Variants in FAM117B observed in about 807,000 individuals in gnomAD.
FAM117B encodes the protein family with sequence similarity 117 member B.
FAM117B carries 22 observed loss-of-function variants against 52.8 expected under a neutral mutation model. The observed-to-expected ratio is 0.42, with a 90% CI of 0.30 to 0.59. The LOEUF is 0.59. Among genes scored for constraint, FAM117B ranks in the 20% least tolerant of loss-of-function variants. FAM117B has a pLI of 0.22. For missense variants in FAM117B, 678 were observed against 802.6 expected (o/e 0.84, Z 1.88); for synonymous variants, 309 against 324.1 (o/e 0.95, Z 0.50).
At chr2:202,746,525 C>G (rs760408565) in intron 4 of FAM117B, among the ~76,000 whole-genome samples, 1 of 151,738 alleles carries the variant, frequency 6.6e-6, no homozygotes, top group Non-Finnish European at 1.5e-5. Context: ...AATAAACAAT[C>G]TGAAGAGTGT....
At chr2:202,734,469 A>G (rs971819132) in intron 4 of FAM117B, among the ~76,000 whole-genome samples, 1 of 152,226 alleles carries the variant, frequency 6.6e-6, no homozygotes, top group Non-Finnish European at 1.5e-5. Flanking sequence ...CCAACATGAA[A>G]AACACAAATA....
At chr2:202,743,283 C>G (rs1051602224) in intron 4 of FAM117B, among the ~76,000 whole-genome samples, 9 of 152,186 alleles carry the variant, frequency 5.9e-5, no homozygotes, top group African/African-American at 2.2e-4. Context: ...AGAGACACCA[C>G]TGTTGCTGAT....
chr2:202,646,892 CTAA>C, intron 1 of FAM117B, among the ~76,000 whole-genome samples: 1 of 151,932 alleles, frequency 6.6e-6, no homozygotes, highest in South Asian at 2.1e-4. Context: ...ATACAAGATG[CTAA>C]TGAGATATTA....
intron 2 of FAM117B, among the ~76,000 whole-genome samples, chr2:202,714,006 C>T (rs1379438081): frequency 1.3e-5 from 2 of 152,122 alleles, no homozygotes; most frequent in African/African-American, 2.4e-5. Flanking sequence ...TGCGCCTGGC[C>T]CTCCATTATC....
chr2:202,759,378 A>G lies in FAM117B; in HGVS notation c.1451+25A>G, dbSNP rs774198074. On this transcript the variant is annotated intron_variant, in intron 7 of 7. Coordinates refer to ENST00000392238, the MANE Select transcript of FAM117B (RefSeq NM_173511.4). ...CGTAAGTATCCCTTCCACCATCCCC[A>G]CAAAAAAACTATTATGAGCTTTTTT... 4 of 1,593,972 alleles carry G rather than the reference A, an allele frequency of 2.5e-6. No homozygotes were observed. The South Asian group carries it at 3.5e-5, about 14-fold the overall frequency.
chr2:202,653,715 G>C (rs183765282), intron 1 of FAM117B, among the ~76,000 whole-genome samples: 1 of 152,222 alleles, frequency 6.6e-6, no homozygotes, highest in East Asian at 1.9e-4. Context: ...GTGTTCATTT[G>C]TTAACCCGTT....
At chr2:202,718,503 G>A (rs1691095566) in intron 2 of FAM117B, among the ~76,000 whole-genome samples, 1 of 152,122 alleles carries the variant, frequency 6.6e-6, no homozygotes, top group African/African-American at 2.4e-5. Flanking sequence ...TATTATATCA[G>A]TTGATTTTTT....
rs1305067205 is a variant in FAM117B at position 202,768,245 on chromosome 2, G to T, written c.*2481G>T. ...GAGGTTTTCCCTTTTGCTCTGTTGT[G>T]CCTATTTGTCTAATTCATATCTTTC... On this transcript the variant is annotated 3_prime_UTR_variant, in exon 8 of 8. Coordinates refer to ENST00000392238, the MANE Select transcript of FAM117B (RefSeq NM_173511.4). The T allele has an allele frequency of 6.6e-6, 1 of 152,054 alleles. No homozygotes were observed. The highest frequency in any genetic ancestry group is 2.4e-5 in the African/African-American group (1 of 41,394). 9.4% of individuals were successfully genotyped at this position (152,054 alleles called of 1,614,324 possible). A position where few individuals can be genotyped will look rare whatever the true frequency, so the allele number is the denominator to read the frequency against.
intron 1 of FAM117B, among the ~76,000 whole-genome samples, chr2:202,636,964 A>G (rs923238546): frequency 7.9e-5 from 12 of 152,208 alleles, no homozygotes; most frequent in African/African-American, 2.9e-4. Context: ...CAGTTACACG[A>G]TCTCGGCTTA....
At chr2:202,713,393 A>G (rs776564379) in intron 2 of FAM117B, among the ~76,000 whole-genome samples, 7 of 151,984 alleles carry the variant, frequency 4.6e-5, no homozygotes, top group Non-Finnish European at 8.8e-5. Context: ...TCCCTCTCTG[A>G]TTTTATTTAT....
At chr2:202,714,132 A>G (rs1691000857) in intron 2 of FAM117B, among the ~76,000 whole-genome samples, 2 of 152,072 alleles carry the variant, frequency 1.3e-5, no homozygotes, top group African/African-American at 2.4e-5. Context: ...ATTCCTCATT[A>G]TTGATATCTA....
At chr2:202,675,839 G>C (rs1361237577) in intron 1 of FAM117B, among the ~76,000 whole-genome samples, 1 of 152,002 alleles carries the variant, frequency 6.6e-6, no homozygotes, top group African/African-American at 2.4e-5. Flanking sequence ...AGAAGAATTA[G>C]CCGGGTGTGG....
rs1321894369 is a variant in FAM117B, at chr2:202,769,548, T to A, written c.*3784T>A. On this transcript the variant is annotated 3_prime_UTR_variant, in exon 8 of 8. Coordinates refer to ENST00000392238, the MANE Select transcript of FAM117B (RefSeq NM_173511.4). ...TTAAGAATAGAATTTTTTTAACTCT[T>A]CATTTTTTGTCTCTGTGGAAGCTGT... 1 of 152,626 alleles carries A rather than the reference T, an allele frequency of 6.6e-6. No individual in the cohort carries two copies. The highest frequency in any genetic ancestry group is 1.9e-4 in the East Asian group (1 of 5,196). The allele number at this position is 152,626 out of a possible 1,614,324, so 9.5% of individuals were successfully genotyped here. A position where few individuals can be genotyped will look rare whatever the true frequency, so the allele number is the denominator to read the frequency against.
intron 1 of FAM117B, among the ~76,000 whole-genome samples, chr2:202,642,778 C>T (rs1343154136): frequency 6.6e-6 from 1 of 152,112 alleles, no homozygotes; most frequent in Non-Finnish European, 1.5e-5. Context: ...ATGTGGGCAA[C>T]ACTCGAAATG....
intron 1 of FAM117B, among the ~76,000 whole-genome samples, chr2:202,660,582 G>A (rs1690114041): frequency 6.6e-6 from 1 of 152,096 alleles, no homozygotes; most frequent in Admixed American, 6.5e-5. Flanking sequence ...TTCATACATG[G>A]ATTTAGGAGT....
In FAM117B at chr2:202,635,688, G is replaced by A. The variant is rs1183371614; in HGVS notation, c.501G>A (p.Ala167=). 1.5e-5 allele frequency: 21 copies of A among 1,410,198 alleles called. No individual in the cohort carries two copies. Among genetic ancestry groups the A allele is most frequent in the Non-Finnish European group, 1.6e-5 (17 of 1,082,696 alleles). 87.4% of individuals were successfully genotyped at this position (1,410,198 alleles called of 1,614,324 possible). The change falls in exon 1 of 8, where the codon GCG becomes GCA. Residue 167 remains alanine, a synonymous_variant. Coordinates refer to ENST00000392238, the MANE Select transcript of FAM117B (RefSeq NM_173511.4). The stretch of plus-strand genomic sequence containing the variant: ...ACCTGTGGACCGGCGAGGTGAGCGC[G>A]GCCCCACCCCCAGCCCGCGTCCGGC... ...PTHLWTGEVS[A]APPPARVRHR...
At chr2:202,755,504 G>GT (rs1691787814) in intron 4 of FAM117B, 34 bp from the exon 5 acceptor site, 1 of 1,608,578 alleles carries the variant, frequency 6.2e-7, no homozygotes, top group Admixed American at 1.7e-5. Context: ...AAAAGGTAAT[G>GT]TTAAGCCTCT....
Position 202,757,193 on chromosome 2 carries a change from T to A in FAM117B, c.1105-20T>A. On this transcript the variant is annotated intron_variant, in intron 5 of 7. Coordinates refer to ENST00000392238, the MANE Select transcript of FAM117B (RefSeq NM_173511.4). ...GAAATTAATTATAAATATACCTATG[T>A]TTTTACAATTTTGTAACAGCCGCAA... 1 of 1,610,310 alleles carries A rather than the reference T, an allele frequency of 6.2e-7. No individual in the cohort carries two copies. The highest frequency in any genetic ancestry group is 8.5e-7 in the Non-Finnish European group (1 of 1,177,422).
chr2:202,647,241 A>G lies in FAM117B; in HGVS notation c.601+11453A>G, dbSNP rs543999698. 5.9e-5 allele frequency among the ~76,000 whole-genome samples: 9 copies of G among 152,312 alleles called. No individual in the cohort carries two copies. In the South Asian group the frequency reaches 1.9e-3, roughly 32 times the overall value. On this transcript the variant is annotated intron_variant, in intron 1 of 7. Coordinates refer to ENST00000392238, the MANE Select transcript of FAM117B (RefSeq NM_173511.4). ...ATAAAGCAAGGCAATATAAAAAAATATAGCTTAACACAATTTTATCTGAGA... is the reference window on the plus strand; with the variant it reads ...ATAAAGCAAGGCAATATAAAAAAATGTAGCTTAACACAATTTTATCTGAGA...
Sources: allele counts gnomAD v4.1 joint callset (sites outside exome capture counted in the v4.1 genomes callset), GRCh38; gene constraint gnomAD v4.1.1; transcripts MANE v1.5; gene names NCBI Gene and HGNC (gene_info 2026-07-23, HGNC 2026-07-21).